The following JMY variants were observed in gnomAD, a reference collection of about 807,000 sequenced individuals.
JMY encodes the protein junction-mediating and -regulatory protein.
Under a neutral mutation model 103.3 loss-of-function variants are expected in JMY, and 46 were observed. The ratio of observed to expected loss-of-function variants is 0.45; its 90% CI spans 0.35 to 0.57. JMY has a LOEUF of 0.57. Ranked by LOEUF, JMY falls within the 20% of genes least tolerant of loss-of-function variation. The probability of loss-of-function intolerance (pLI) is 0.00; values close to 1 mark genes in which losing one functional copy is unlikely to be tolerated. For missense variants in JMY, 1,238 were observed against 1,255.2 expected, an observed-to-expected ratio of 0.99 and a Z score of 0.21; for synonymous variants, 526 against 489.3, an observed-to-expected ratio of 1.07 and a Z score of -0.99.
At chr5:79,276,646 C>T (rs113841339) in intron 1 of JMY, among the ~76,000 whole-genome samples, 9 of 151,798 alleles carry the variant, frequency 5.9e-5, no homozygotes, top group African/African-American at 1.4e-4. Context: ...CTCACTCTGT[C>T]GCCAGGCTGG....
intron 4 of JMY, among the ~76,000 whole-genome samples, chr5:79,296,342 G>A (rs1156733072): frequency 2.0e-5 from 3 of 152,210 alleles, no homozygotes; most frequent in African/African-American, 7.2e-5. Context: ...CCATATTTGT[G>A]CAGTTGTTAC....
At chr5:79,304,326 C>G (rs1746821006) in intron 6 of JMY, among the ~76,000 whole-genome samples, 1 of 152,142 alleles carries the variant, frequency 6.6e-6, no homozygotes, top group Admixed American at 6.6e-5. Flanking sequence ...AAATGTCTCC[C>G]TATGTAACAT....
In JMY at chr5:79,314,786, G is replaced by A; in HGVS notation, c.2594G>A (p.Ser865Asn). The A allele has an allele frequency of 6.2e-7, 1 of 1,612,404 alleles. No individual in the cohort carries two copies. The highest frequency in any genetic ancestry group is 8.5e-7 in the Non-Finnish European group (1 of 1,179,232). Residue 865 changes from serine (S) to asparagine (N), a missense_variant, in exon 9 of 11, where the codon AGC becomes AAC. Ser to Asn is a conservative substitution (Grantham distance 46). Transcript: ENST00000396137. ...GCCCCCTCAGCACACCTCTTTGACA[G>A]CAGCCAGCTGGTCAGTGCACGGAAG... ...ASAPSAHLFD[S>N]SQLVSARKKL... is the part of the protein sequence containing the mutation.
At chr5:79,266,354 GCA>G (rs1017013546) in intron 1 of JMY, among the ~76,000 whole-genome samples, 5 of 152,178 alleles carry the variant, frequency 3.3e-5, no homozygotes, top group African/African-American at 1.2e-4. Flanking sequence ...TCAATGCTGG[GCA>G]CAGAGTGAGC....
At chr5:79,247,867 T>A (rs1461543947) in intron 1 of JMY, among the ~76,000 whole-genome samples, 1 of 149,934 alleles carries the variant, frequency 6.7e-6, no homozygotes, top group Admixed American at 6.6e-5. Context: ...TTTTTATATT[T>A]TATTTTATTT....
intron 2 of JMY, among the ~76,000 whole-genome samples, chr5:79,282,108 GA>G (rs1398426743): frequency 4.6e-5 from 7 of 152,280 alleles, no homozygotes; most frequent in African/African-American, 1.7e-4. Context: ...TTGGGAGGCT[GA>G]GGTGGGAGAA....
chr5:79,315,753 T>C (rs924971419), intron 9 of JMY, among the ~76,000 whole-genome samples: 1 of 152,188 alleles, frequency 6.6e-6, no homozygotes, highest in Non-Finnish European at 1.5e-5. Context: ...TGGTCACTTC[T>C]CTCATGTAGG....
intron 2 of JMY, among the ~76,000 whole-genome samples, chr5:79,289,234 CA>C (rs535416062): frequency 0.034 from 1,907 of 55,446 alleles, 26 homozygotes; most frequent in African/African-American, 0.085. Flanking sequence ...GACGCCGTCT[CA>C]AAAAAAAAAA....
chr5:79,314,095 G>A (rs1747131390), intron 8 of JMY, among the ~76,000 whole-genome samples, 162 bp from the exon 9 acceptor site: 1 of 152,200 alleles, frequency 6.6e-6, no homozygotes, highest in African/African-American at 2.4e-5. Context: ...CTGATCTCAG[G>A]TGATCCACCC....
rs562662268 is a variant in JMY at position 79,237,255 on chromosome 5, A to C, written c.605A>C (p.Asp202Ala). The C allele has an allele frequency of 3.8e-5, 59 of 1,550,968 alleles. No individual in the cohort carries two copies. The highest frequency in any genetic ancestry group is 4.9e-5 in the Non-Finnish European group (56 of 1,147,106). The part of the protein sequence containing the change: ...EIEVLEMVKE[D>A]EAPLALSDAE... ...GAGGTGCTGGAAATGGTGAAGGAGGACGAGGCACCTCTGGCGCTCTCGGAC... is the reference window on the plus strand; with the variant it reads ...GAGGTGCTGGAAATGGTGAAGGAGGCCGAGGCACCTCTGGCGCTCTCGGAC... Residue 202 changes from aspartate to alanine, a missense_variant, in exon 1 of 11, where the codon GAC becomes GCC. By Grantham distance (126) the Asp-to-Ala change is moderately radical. Coordinates refer to ENST00000396137, the MANE Select transcript of JMY (RefSeq NM_152405.5).
intron 2 of JMY, among the ~76,000 whole-genome samples, chr5:79,279,676 CTTAGA>C (rs1746051895): frequency 6.6e-6 from 1 of 152,056 alleles, no homozygotes; most frequent in Admixed American, 6.6e-5. Context: ...AGTCACACGA[CTTAGA>C]CATACTCCTT....
Position 79,312,485 on chromosome 5 carries a change from G to A in JMY, c.2051G>A (p.Arg684Gln), listed in dbSNP as rs777377646. 5.2e-6 allele frequency: 8 copies of A among 1,550,916 alleles called. No homozygotes were observed. Among genetic ancestry groups the A allele is most frequent in the African/African-American group, 1.4e-5 (1 of 71,450 alleles). ...QERQRTLDRL[R>Q]TFKQRYPGQV... ...AGACAGAGAACACTGGATAGACTTC[G>A]AACATTTAAACAGGTATTAAAAGTA... is the stretch of plus-strand genomic sequence containing the variant. Residue 684 changes from arginine to glutamine, a missense_variant, in exon 8 of 11, where the codon CGA (arginine) becomes CAA (glutamine). By Grantham distance (43) the Arg-to-Gln change is conservative. Transcript: ENST00000396137.
intron 2 of JMY, among the ~76,000 whole-genome samples, chr5:79,288,075 TA>T: frequency 6.6e-6 from 1 of 152,212 alleles, no homozygotes; most frequent in African/African-American, 2.4e-5. Flanking sequence ...CCAGAATCCT[TA>T]AATCTAAGAT....
chr5:79,250,811 C>G (rs1047517870), intron 1 of JMY, among the ~76,000 whole-genome samples: 1 of 151,598 alleles, frequency 6.6e-6, no homozygotes, highest in African/African-American at 2.4e-5. Flanking sequence ...CATACTTACT[C>G]TAGCAAGATG....
intron 2 of JMY, among the ~76,000 whole-genome samples, chr5:79,285,570 T>C (rs1233421106): frequency 6.6e-6 from 1 of 152,108 alleles, no homozygotes; most frequent in Admixed American, 6.6e-5. Context: ...TCTCTCTTTT[T>C]TTTTTTTTAA....
At chr5:79,241,044 T>C (rs532480156) in intron 1 of JMY, among the ~76,000 whole-genome samples, 20 of 152,364 alleles carry the variant, frequency 1.3e-4, no homozygotes. Context: ...CTTTTCCTTC[T>C]TTAATTTCTA....
At chr5:79,291,659 T>C (rs975548850) in intron 4 of JMY, among the ~76,000 whole-genome samples, 2 of 152,232 alleles carry the variant, frequency 1.3e-5, no homozygotes, top group African/African-American at 4.8e-5. Flanking sequence ...AGTGGCATTT[T>C]GTTAGGATTG....
chr5:79,314,249 T>C lies in JMY; in HGVS notation c.2065-8T>C. ...TTTAACCAGTTCCAATAACTTCTGG[T>C]ATTTTAGAGGTATCCTGGGCAAGTC... On this transcript the variant is annotated splice_region_variant and splice_polypyrimidine_tract_variant and intron_variant, in intron 8 of 10. Transcript: ENST00000396137. The C allele has an allele frequency of 6.3e-7, 1 of 1,591,038 alleles. No homozygotes were observed. The highest frequency in any genetic ancestry group is 1.7e-4 in the Middle Eastern group (1 of 5,914).
At chr5:79,247,236 A>T (rs908032669) in intron 1 of JMY, among the ~76,000 whole-genome samples, 92 of 152,336 alleles carry the variant, frequency 6.0e-4, no homozygotes, top group African/African-American at 2.1e-3. Context: ...AATTATATAC[A>T]TATACTGTAA....
Sources: gnomAD v4.1 joint callset for allele counts (sites outside exome capture counted in the v4.1 genomes callset) on GRCh38, gnomAD v4.1.1 for gene constraint, MANE v1.5 for transcripts, NCBI Gene and HGNC (gene_info 2026-07-23, HGNC 2026-07-21) for gene names.